RANBP3L: variants seen among roughly 807,000 people sequenced by gnomAD.
The protein encoded by RANBP3L is RAN binding protein 3 like.
In RANBP3L, 56 loss-of-function variants were observed where a neutral mutation model predicts 67.2. The observed-to-expected ratio is 0.83, with a 90% CI of 0.67 to 1.04. The LOEUF is 1.04. Among genes scored for constraint, RANBP3L ranks in the 50% least tolerant of loss-of-function variants. The pLI, the probability that RANBP3L is intolerant of heterozygous loss-of-function variation, is 0.00. For synonymous variants in RANBP3L, 164 were observed against 181.4 expected (o/e 0.90, Z 0.77); for missense variants, 496 against 535.5 (o/e 0.93, Z 0.73).
At chr5:36,288,705 A>C in intron 1 of RANBP3L, among the ~76,000 whole-genome samples, 1 of 152,032 alleles carries the variant, frequency 6.6e-6, no homozygotes, top group East Asian at 1.9e-4. Context: ...TTTATTTTGG[A>C]TTTCCCTGAT....
intron 1 of RANBP3L, among the ~76,000 whole-genome samples, chr5:36,299,011 G>C (rs1046182361): frequency 1.3e-5 from 2 of 152,088 alleles, no homozygotes; most frequent in Non-Finnish European, 2.9e-5. Flanking sequence ...AAGTCACTGG[G>C]CTGGGGAAGG....
In RANBP3L at chr5:36,249,499, A is replaced by T; in HGVS notation, c.*155T>A. On this transcript the variant is annotated 3_prime_UTR_variant, in exon 14 of 14. Transcript: ENST00000296604. ...ATAATCAAAATGTAAAATGTAAAAC[A>T]TAAAAATGTTAATTGCAACAAATTA... 1 of 434,428 alleles carries T rather than the reference A, an allele frequency of 2.3e-6. No homozygotes were observed. The highest frequency in any genetic ancestry group is 4.2e-6 in the Non-Finnish European group (1 of 237,166). 26.9% of individuals were successfully genotyped at this position (434,428 alleles called of 1,614,324 possible). A position where few individuals can be genotyped will look rare whatever the true frequency, so the allele number is the denominator to read the frequency against.
At chr5:36,252,418 C>T (rs554005596) in intron 12 of RANBP3L, among the ~76,000 whole-genome samples, 88 of 152,158 alleles carry the variant, frequency 5.8e-4, no homozygotes, top group African/African-American at 2.0e-3. Context: ...ATTTCACAGT[C>T]ATATTAGCTA....
chr5:36,301,410 T>A lies in RANBP3L; in HGVS notation c.7A>T (p.Thr3Ser), dbSNP rs766784714. ...TGGCTGCTGCCTTTTCTTGGTATGG[T>A]AGTCATGGTCCTAGCAGTATGGCTG... The part of the protein sequence containing the change: MT[T>S]IPRKGSSHLP... The change falls in exon 1 of 14, where the codon ACC becomes TCC. Residue 3 changes from threonine (T) to serine (S), a missense_variant. Physicochemically the swap from Thr to Ser is moderately conservative, Grantham distance 58. Coordinates refer to ENST00000296604, the MANE Select transcript of RANBP3L (RefSeq NM_145000.5). 1 of 1,613,216 alleles carries A rather than the reference T, an allele frequency of 6.2e-7. No individual in the cohort carries two copies. The highest frequency in any genetic ancestry group is 8.5e-7 in the Non-Finnish European group (1 of 1,179,562).
chr5:36,298,033 G>T (rs1752350517), intron 1 of RANBP3L, among the ~76,000 whole-genome samples: 1 of 152,076 alleles, frequency 6.6e-6, no homozygotes, highest in Non-Finnish European at 1.5e-5. Flanking sequence ...CAGTGCGGTG[G>T]CTTATGCTTG....
At chr5:36,250,566 G>A (rs1469333243) in intron 13 of RANBP3L, among the ~76,000 whole-genome samples, 1 of 152,026 alleles carries the variant, frequency 6.6e-6, no homozygotes, top group Non-Finnish European at 1.5e-5. Context: ...CGTTGTAATT[G>A]TATTACTCAG....
intron 12 of RANBP3L, 117 bp downstream of exon 12, chr5:36,253,530 T>A: frequency 2.7e-6 from 2 of 750,362 alleles, no homozygotes; most frequent in Non-Finnish European, 4.4e-6. Flanking sequence ...ACATAATGAA[T>A]GGCTGAGTTT....
At chr5:36,277,649 T>C (rs752782794) in intron 1 of RANBP3L, among the ~76,000 whole-genome samples, 1 of 152,050 alleles carries the variant, frequency 6.6e-6, no homozygotes, top group African/African-American at 2.4e-5. Flanking sequence ...TATCCACACA[T>C]ACATAAACAT....
At chr5:36,277,156 C>T (rs754774490) in intron 1 of RANBP3L, among the ~76,000 whole-genome samples, 2 of 152,202 alleles carry the variant, frequency 1.3e-5, no homozygotes, top group Non-Finnish European at 2.9e-5. Context: ...GCAGTCCCTG[C>T]ATTTTCTTCT....
chr5:36,277,377 G>A (rs72744594), intron 1 of RANBP3L, among the ~76,000 whole-genome samples: 978 of 146,908 alleles, frequency 6.7e-3, no homozygotes, highest in Non-Finnish European at 9.0e-3. Flanking sequence ...TTAAATAAAG[G>A]ACTCGAGCCT....
At chr5:36,279,987 AC>A in intron 1 of RANBP3L, among the ~76,000 whole-genome samples, 1 of 151,460 alleles carries the variant, frequency 6.6e-6, no homozygotes, top group Non-Finnish European at 1.5e-5. Context: ...AGATGAGAAA[AC>A]TCTCTGTCAA....
chr5:36,282,255 A>G (rs1751023346), intron 1 of RANBP3L, among the ~76,000 whole-genome samples: 1 of 152,198 alleles, frequency 6.6e-6, no homozygotes, highest in Non-Finnish European at 1.5e-5. Flanking sequence ...GGATGTTGGA[A>G]ATATGCATTG....
intron 1 of RANBP3L, among the ~76,000 whole-genome samples, chr5:36,297,150 A>T (rs1274994488): frequency 6.6e-6 from 1 of 151,990 alleles, no homozygotes; most frequent in South Asian, 2.1e-4. Context: ...TACATATTTT[A>T]TATATTATAT....
intron 4 of RANBP3L, among the ~76,000 whole-genome samples, chr5:36,266,315 TGTG>T (rs1749784359): frequency 6.6e-6 from 1 of 152,188 alleles, no homozygotes; most frequent in African/African-American, 2.4e-5. Context: ...GGGGTAAGAC[TGTG>T]GTGGTGGCTC....
chr5:36,249,952 T>A (rs1376886514), intron 13 of RANBP3L, among the ~76,000 whole-genome samples: 1 of 151,780 alleles, frequency 6.6e-6, no homozygotes, highest in African/African-American at 2.4e-5. Context: ...TTAGCATTTG[T>A]TTTTACTGCC....
chr5:36,272,539 C>A (rs1055678963), intron 1 of RANBP3L, among the ~76,000 whole-genome samples: 10 of 152,202 alleles, frequency 6.6e-5, no homozygotes, highest in African/African-American at 2.4e-4. Flanking sequence ...ATAATGTCTG[C>A]AAACACCCTT....
At chr5:36,287,188 G>T (rs949178700) in intron 1 of RANBP3L, among the ~76,000 whole-genome samples, 2 of 152,300 alleles carry the variant, frequency 1.3e-5, no homozygotes, top group South Asian at 2.1e-4. Context: ...ACTCTAATGT[G>T]CATTGATCTG....
chr5:36,281,849 C>T (rs1288867784), intron 1 of RANBP3L, among the ~76,000 whole-genome samples: 1 of 152,180 alleles, frequency 6.6e-6, no homozygotes, highest in East Asian at 1.9e-4. Context: ...TTACTTTTGA[C>T]AGGGCACACC....
intron 1 of RANBP3L, among the ~76,000 whole-genome samples, chr5:36,283,387 A>C (rs1579757682): frequency 2.4e-5 from 3 of 125,720 alleles, no homozygotes. Flanking sequence ...AGTTTTCAAA[A>C]TGAAAAATGT....
Sources: allele counts gnomAD v4.1 joint callset (sites outside exome capture counted in the v4.1 genomes callset), GRCh38; gene constraint gnomAD v4.1.1; transcripts MANE v1.5; gene names NCBI Gene and HGNC (gene_info 2026-07-23, HGNC 2026-07-21).